Variants in CCDC85A observed in about 807,000 individuals in gnomAD.
The protein encoded by CCDC85A is coiled-coil domain containing 85A.
Under a neutral mutation model 50.2 loss-of-function variants are expected in CCDC85A, and 38 were observed. That is an observed-to-expected ratio of 0.76 (90% CI 0.58 to 0.99). CCDC85A has a LOEUF of 0.99. Ranked by LOEUF, CCDC85A falls within the 50% of genes least tolerant of loss-of-function variation. CCDC85A has a pLI of 0.00. For synonymous variants in CCDC85A, 366 were observed against 301.4 expected (o/e 1.21, Z -2.22); for missense variants, 820 against 742.0 (o/e 1.11, Z -1.22).
intron 2 of CCDC85A, among the ~76,000 whole-genome samples, chr2:56,337,905 C>T (rs1183823312): frequency 6.6e-6 from 1 of 151,998 alleles, no homozygotes; most frequent in Non-Finnish European, 1.5e-5. Context: ...CTGCCTCAGC[C>T]TCCCGAGTAG....
rs144173460 is a variant in CCDC85A at position 56,214,669 on chromosome 2, T to C, written c.1240+21229T>C. On this transcript the variant is annotated intron_variant, in intron 2 of 5. Transcript: ENST00000407595. Reference sequence around the variant, plus strand: ...TTATTGAATTGACTTTACTTCTTTGTTAAAGATCAATGGACTGTATTTGTG... The same window carrying C: ...TTATTGAATTGACTTTACTTCTTTGCTAAAGATCAATGGACTGTATTTGTG... Among the ~76,000 whole-genome samples, 5 of 152,092 alleles carry C rather than the reference T, an allele frequency of 3.3e-5. No individual in the cohort carries two copies. In the East Asian group the frequency reaches 9.7e-4, roughly 29 times the overall value.
intron 2 of CCDC85A, among the ~76,000 whole-genome samples, chr2:56,333,482 C>G (rs1573282244): frequency 1.3e-5 from 2 of 152,206 alleles, no homozygotes; most frequent in East Asian, 3.9e-4. Flanking sequence ...CCCTGATGGA[C>G]TTTTTAAGAA....
intron 2 of CCDC85A, among the ~76,000 whole-genome samples, chr2:56,258,186 C>T (rs566959088): frequency 2.0e-5 from 3 of 152,046 alleles, no homozygotes; most frequent in African/African-American, 7.2e-5. Flanking sequence ...GTGGGGGAGG[C>T]CATGGAAGCA....
intron 2 of CCDC85A, among the ~76,000 whole-genome samples, chr2:56,204,548 C>G (rs1421259407): frequency 6.6e-6 from 1 of 152,188 alleles, no homozygotes; most frequent in African/African-American, 2.4e-5. Flanking sequence ...GCTTCTTGCC[C>G]TTCCTCTTCC....
chr2:56,349,721 T>G (rs548161886), intron 3 of CCDC85A, among the ~76,000 whole-genome samples: 4 of 152,328 alleles, frequency 2.6e-5, no homozygotes, highest in Admixed American at 2.0e-4. Context: ...TAGAATTATT[T>G]AATAGGTACT....
chr2:56,321,133 A>G (rs550214320), intron 2 of CCDC85A, among the ~76,000 whole-genome samples: 35 of 152,298 alleles, frequency 2.3e-4, no homozygotes, highest in African/African-American at 8.2e-4. Context: ...TATTGATGGG[A>G]TGTATCTCAA....
intron 2 of CCDC85A, among the ~76,000 whole-genome samples, chr2:56,315,203 C>G (rs375011257): frequency 6.6e-6 from 1 of 152,108 alleles, no homozygotes; most frequent in African/African-American, 2.4e-5. Flanking sequence ...ATGAGATTGA[C>G]TGAGGTAATT....
intron 2 of CCDC85A, among the ~76,000 whole-genome samples, chr2:56,307,151 A>G (rs1021744834): frequency 5.9e-5 from 9 of 152,200 alleles, no homozygotes; most frequent in African/African-American, 2.2e-4. Context: ...GCCTTTATAT[A>G]GAAATTGTTT....
At chr2:56,360,886 G>C (rs924281603) in intron 3 of CCDC85A, among the ~76,000 whole-genome samples, 4 of 152,224 alleles carry the variant, frequency 2.6e-5, no homozygotes, top group Admixed American at 2.0e-4. Flanking sequence ...TTTGGTACAG[G>C]AATATTTATT....
intron 2 of CCDC85A, among the ~76,000 whole-genome samples, chr2:56,273,428 T>A (rs1007968818): frequency 1.2e-4 from 18 of 151,776 alleles, no homozygotes; most frequent in African/African-American, 4.1e-4. Flanking sequence ...ACAGAAAAAA[T>A]TGGAGTTAGA....
At chr2:56,303,717 T>C (rs1280094262) in intron 2 of CCDC85A, among the ~76,000 whole-genome samples, 2 of 152,190 alleles carry the variant, frequency 1.3e-5, no homozygotes, top group Non-Finnish European at 2.9e-5. Flanking sequence ...TTTTTTTAAA[T>C]TGAGAGTAGA....
chr2:56,252,291 C>T (rs561612739), intron 2 of CCDC85A, among the ~76,000 whole-genome samples: 21 of 152,146 alleles, frequency 1.4e-4, no homozygotes, highest in Non-Finnish European at 2.8e-4. Flanking sequence ...TGTGATCCAC[C>T]TGCCTCGGCC....
intron 3 of CCDC85A, among the ~76,000 whole-genome samples, chr2:56,368,199 C>T (rs11886381): frequency 0.38 from 57,727 of 151,966 alleles, 12,420 homozygotes; most frequent in African/African-American, 0.6. Flanking sequence ...TTTACATCAG[C>T]ATTGAATAGA....
intron 2 of CCDC85A, among the ~76,000 whole-genome samples, chr2:56,239,713 T>G (rs961223202): frequency 6.6e-6 from 1 of 152,126 alleles, no homozygotes; most frequent in African/African-American, 2.4e-5. Context: ...TTTCTGGGAA[T>G]TAGAGTTTGA....
intron 2 of CCDC85A, among the ~76,000 whole-genome samples, chr2:56,210,445 A>T (rs941478601): frequency 1.3e-5 from 2 of 152,068 alleles, no homozygotes; most frequent in African/African-American, 4.8e-5. Context: ...AACCACCTCA[A>T]CACTTAGTGT....
intron 2 of CCDC85A, among the ~76,000 whole-genome samples, chr2:56,339,488 G>A (rs1025770315): frequency 6.6e-6 from 1 of 152,134 alleles, no homozygotes; most frequent in Non-Finnish European, 1.5e-5. Context: ...ATTTTGAAAA[G>A]AGAAATAGAT....
intron 3 of CCDC85A, among the ~76,000 whole-genome samples, chr2:56,355,876 T>C (rs1298658569): frequency 1.3e-5 from 2 of 152,218 alleles, no homozygotes; most frequent in African/African-American, 4.8e-5. Flanking sequence ...AGTTCTAATA[T>C]TTGACAGATA....
At chr2:56,202,187 G>T (rs1676774836) in intron 2 of CCDC85A, among the ~76,000 whole-genome samples, 1 of 152,194 alleles carries the variant, frequency 6.6e-6, no homozygotes, top group Non-Finnish European at 1.5e-5. Context: ...CTAGCCTCTG[G>T]CTTAGAAAAG....
intron 2 of CCDC85A, among the ~76,000 whole-genome samples, chr2:56,263,761 G>A (rs538147693): frequency 1.1e-4 from 16 of 152,274 alleles, no homozygotes; most frequent in Admixed American, 3.9e-4. Context: ...GGGGCAAATA[G>A]GATAATTTAT....
Sources: gnomAD v4.1 joint callset for allele counts (sites outside exome capture counted in the v4.1 genomes callset) on GRCh38, gnomAD v4.1.1 for gene constraint, MANE v1.5 for transcripts, NCBI Gene and HGNC (gene_info 2026-07-23, HGNC 2026-07-21) for gene names.